MYO10: variants seen among roughly 807,000 people sequenced by gnomAD.
MYO10 encodes unconventional myosin-X.
In MYO10, 133 loss-of-function variants were observed where a neutral mutation model predicts 257.3. The observed-to-expected ratio is 0.52, with a 90% confidence interval of 0.45 to 0.60. MYO10 has a LOEUF of 0.60. Among genes scored for constraint, MYO10 ranks in the 20% least tolerant of loss-of-function variants. The pLI, the probability that MYO10 is intolerant of heterozygous loss-of-function variation, is 0.00. For missense variants in MYO10, 2,399 were observed against 2,635.7 expected (o/e 0.91, Z 1.97); for synonymous variants, 1,104 against 1,028.6 (o/e 1.07, Z -1.40).
At chr5:16,758,845 A>T (rs1189081262) in intron 17 of MYO10, among the ~76,000 whole-genome samples, 1 of 152,168 alleles carries the variant, frequency 6.6e-6, no homozygotes, top group Non-Finnish European at 1.5e-5. Flanking sequence ...CATATCATAT[A>T]TATTGATATT....
In MYO10 at chr5:16,664,578, G is replaced by A. The variant is rs1324568626; in HGVS notation, c.*2114C>T. The A allele has an allele frequency of 6.6e-6, 1 of 152,248 alleles. No individual in the cohort carries two copies. Among genetic ancestry groups the A allele is most frequent in the Non-Finnish European group, 1.5e-5 (1 of 68,072 alleles). 9.4% of individuals were successfully genotyped at this position (152,248 alleles called of 1,614,324 possible). A position where few individuals can be genotyped will look rare whatever the true frequency, so the allele number is the denominator to read the frequency against. ...GAGGGTGGGAGTCAGTGGTCTGCAA[G>A]AGAAGTGGCGCTTGCTCATGCTAGA... On this transcript the variant is annotated 3_prime_UTR_variant, in exon 41 of 41. Transcript: ENST00000513610.
At chr5:16,789,151 TATAA>T (rs1298862314) in intron 4 of MYO10, among the ~76,000 whole-genome samples, 2 of 152,240 alleles carry the variant, frequency 1.3e-5, no homozygotes, top group Admixed American at 1.3e-4. Flanking sequence ...TGCCTGTTTT[TATAA>T]ATAAAGTTTT....
intron 3 of MYO10, among the ~76,000 whole-genome samples, chr5:16,812,949 T>G (rs1742487378): frequency 6.6e-6 from 1 of 151,772 alleles, no homozygotes. Context: ...TTTTATCACT[T>G]TCTACCCCAT....
chr5:16,834,339 G>C (rs1439915628), intron 2 of MYO10, among the ~76,000 whole-genome samples: 1 of 152,112 alleles, frequency 6.6e-6, no homozygotes, highest in Non-Finnish European at 1.5e-5. Flanking sequence ...TGATTTCCTG[G>C]TGCACCGTGA....
chr5:16,935,866 C>T lies in MYO10; in HGVS notation c.-58G>A. Reference sequence around the variant, plus strand: ...CGCTCCGACTCGCGGAAGTCAGCGCCGCCGCGGGTCCGGGGAAACCATGCG... The same window carrying T: ...CGCTCCGACTCGCGGAAGTCAGCGCTGCCGCGGGTCCGGGGAAACCATGCG... On this transcript the variant is annotated 5_prime_UTR_variant, in exon 1 of 41. Transcript: ENST00000513610. The T allele has an allele frequency of 6.2e-7, 1 of 1,602,150 alleles. No homozygotes were observed. The highest frequency in any genetic ancestry group is 8.5e-7 in the Non-Finnish European group (1 of 1,174,758).
chr5:16,858,506 C>T (rs1290413583), intron 2 of MYO10, among the ~76,000 whole-genome samples: 2 of 151,274 alleles, frequency 1.3e-5, no homozygotes, highest in African/African-American at 2.4e-5. Context: ...TGATGAATCA[C>T]GCAGAACAAT....
chr5:16,781,633 C>A (rs1741427725), intron 6 of MYO10, 72 bp downstream of exon 6: 4 of 1,425,930 alleles, frequency 2.8e-6, no homozygotes, highest in Non-Finnish European at 3.8e-6. Flanking sequence ...TTTTTCAATC[C>A]TTATAATTAG....
chr5:16,679,308 G>A (rs991162590), intron 33 of MYO10, among the ~76,000 whole-genome samples: 3 of 152,116 alleles, frequency 2.0e-5, no homozygotes, highest in Non-Finnish European at 2.9e-5. Context: ...GGTCCCCCAC[G>A]CAGGTCACCA....
intron 2 of MYO10, among the ~76,000 whole-genome samples, 195 bp from the exon 3 acceptor site, chr5:16,818,362 ATGTGTG>A (rs35397872): frequency 6.6e-5 from 9 of 136,748 alleles, no homozygotes; most frequent in East Asian, 2.2e-4. Flanking sequence ...GTGTGTATGT[ATGTGTG>A]TGTGTGTGTG....
intron 2 of MYO10, among the ~76,000 whole-genome samples, chr5:16,865,887 G>A (rs1744231859): frequency 6.6e-6 from 1 of 151,708 alleles, no homozygotes; most frequent in Admixed American, 6.6e-5. Flanking sequence ...CGGAGTTTTT[G>A]TTTGGAGTGA....
chr5:16,768,248 G>A (rs996103375), intron 10 of MYO10, among the ~76,000 whole-genome samples: 3 of 152,154 alleles, frequency 2.0e-5, no homozygotes, highest in African/African-American at 4.8e-5. Context: ...GACAACTGAC[G>A]TAGCTATATG....
intron 1 of MYO10, among the ~76,000 whole-genome samples, chr5:16,886,537 C>T (rs1440494494): frequency 6.6e-6 from 1 of 152,188 alleles, no homozygotes. Context: ...AAATGCTCTA[C>T]ATTTTTTGAA....
At chr5:16,885,019 G>A (rs543737277) in intron 1 of MYO10, among the ~76,000 whole-genome samples, 2 of 152,200 alleles carry the variant, frequency 1.3e-5, no homozygotes, top group South Asian at 2.1e-4. Context: ...ATAAAGTATC[G>A]CTGGGGCAGA....
intron 1 of MYO10, among the ~76,000 whole-genome samples, chr5:16,889,137 C>T (rs1285554229): frequency 6.6e-6 from 1 of 150,624 alleles, no homozygotes; most frequent in Non-Finnish European, 1.5e-5. Flanking sequence ...TGTGCCTCTG[C>T]ACTCCAGCCT....
chr5:16,673,712 G>A lies in MYO10; in HGVS notation c.5142C>T (p.Ile1714=). The A allele has an allele frequency of 2.5e-6, 4 of 1,613,866 alleles. No individual in the cohort carries two copies. The highest frequency in any genetic ancestry group is 1.1e-5 in the South Asian group (1 of 91,058). Residue 1714 remains isoleucine (I), a synonymous_variant, in exon 36 of 41, where the codon ATC becomes ATT. Transcript: ENST00000513610. The part of the protein sequence containing the change: ...VYCHGGGSCK[I]TINSHTTAGE... ...CAGCGGTGGTGTGGGAGTTGATGGT[G>A]ATCTTGCAGGAGCCGCCGCCATGGC...
intron 18 of MYO10, among the ~76,000 whole-genome samples, chr5:16,755,260 G>A (rs1740495193): frequency 6.6e-6 from 1 of 152,204 alleles, no homozygotes; most frequent in South Asian, 2.1e-4. Context: ...CCGCCTCCCG[G>A]GCTCATGCCC....
rs1468667505 is a variant in MYO10, at chr5:16,823,596, C to T, written c.121-5429G>A. Among the ~76,000 whole-genome samples the T allele has an allele frequency of 3.0e-4, 45 of 148,840 alleles. No individual in the cohort carries two copies. The East Asian group carries it at 8.0e-3, about 27-fold the overall frequency. The stretch of plus-strand genomic sequence containing the variant: ...ATGCCATTCTCCTGCCTCAGCCTCC[C>T]GAGTAGCTGGGACTACAGGCGCCCG... On this transcript the variant is annotated intron_variant, in intron 2 of 40. Coordinates refer to ENST00000513610, the MANE Select transcript of MYO10 (RefSeq NM_012334.3).
chr5:16,763,787 T>G, intron 12 of MYO10, 32 bp from the exon 13 acceptor site: 1 of 1,267,960 alleles, frequency 7.9e-7, no homozygotes, highest in Non-Finnish European at 1.1e-6. Flanking sequence ...TAAGTATCTT[T>G]AGTGTACTCA....
At chr5:16,821,278 C>T (rs2126707962) in intron 2 of MYO10, among the ~76,000 whole-genome samples, 1 of 149,034 alleles carries the variant, frequency 6.7e-6, no homozygotes, top group African/African-American at 2.4e-5. Context: ...TGTGTACATC[C>T]TATGTACACA....
Sources: allele counts gnomAD v4.1 joint callset (sites outside exome capture counted in the v4.1 genomes callset), GRCh38; gene constraint gnomAD v4.1.1; transcripts MANE v1.5; gene names NCBI Gene and HGNC (gene_info 2026-07-23, HGNC 2026-07-21).